TNFAIP8L3: variants seen among roughly 807,000 people sequenced by gnomAD.
The protein encoded by TNFAIP8L3 is tumor necrosis factor alpha-induced protein 8-like protein 3.
Under a neutral mutation model 11.8 loss-of-function variants are expected in TNFAIP8L3, and 7 were observed. That is an observed-to-expected ratio of 0.59 (90% confidence interval 0.34 to 1.11). The LOEUF is 1.11. Ranked by LOEUF, TNFAIP8L3 falls within the 50% of genes most tolerant of loss-of-function variation. TNFAIP8L3 has a pLI of 0.03. For missense variants in TNFAIP8L3, 219 were observed against 258.6 expected, an observed-to-expected ratio of 0.85 and a Z score of 1.05; for synonymous variants, 98 against 103.8, an observed-to-expected ratio of 0.94 and a Z score of 0.34.
chr15:51,067,653 T>G (rs377073229), intron 1 of TNFAIP8L3, among the ~76,000 whole-genome samples: 4 of 152,260 alleles, frequency 2.6e-5, no homozygotes, highest in African/African-American at 9.6e-5. Flanking sequence ...CTCACTCGTT[T>G]GTTCTCTTTC....
chr15:51,077,964 T>C (rs1239011464), intron 1 of TNFAIP8L3, among the ~76,000 whole-genome samples: 2 of 152,226 alleles, frequency 1.3e-5, no homozygotes, highest in Admixed American at 6.5e-5. Context: ...TTCCTGGTCA[T>C]GTGACAAGAA....
At chr15:51,074,652 C>G (rs1595611124) in intron 1 of TNFAIP8L3, among the ~76,000 whole-genome samples, 1 of 152,336 alleles carries the variant, frequency 6.6e-6, no homozygotes, top group Non-Finnish European at 1.5e-5. Flanking sequence ...TGGTTTTGCC[C>G]TAACCCAACT....
At chr15:51,084,534 A>C (rs1001542771) in intron 1 of TNFAIP8L3, among the ~76,000 whole-genome samples, 4 of 152,210 alleles carry the variant, frequency 2.6e-5, no homozygotes, top group African/African-American at 9.6e-5. Flanking sequence ...TAAACTAGGA[A>C]TGATAATACC....
In TNFAIP8L3 at chr15:51,059,917, G is replaced by A. The variant is rs965481137; in HGVS notation, c.53-1474C>T. The stretch of plus-strand genomic sequence containing the variant: ...TCTGGGTCAGCAGAACTAAAGCAGC[G>A]AGCACCAGGGGCCTTCCACAGTCCC... On this transcript the variant is annotated intron_variant, in intron 1 of 1. Transcript: ENST00000637513. Among the ~76,000 whole-genome samples, 4 of 152,140 alleles carry A rather than the reference G, an allele frequency of 2.6e-5. 1 individual carries two copies. The highest frequency in any genetic ancestry group is 9.7e-5 in the African/African-American group (4 of 41,434).
intron 1 of TNFAIP8L3, among the ~76,000 whole-genome samples, chr15:51,079,354 C>T (rs183011172): frequency 1.7e-4 from 26 of 152,360 alleles, no homozygotes; most frequent in African/African-American, 5.8e-4. Context: ...AATCAGTCAT[C>T]CACTAGCTGG....
At chr15:51,093,481 C>A (rs1422076908) in intron 1 of TNFAIP8L3, among the ~76,000 whole-genome samples, 1 of 152,236 alleles carries the variant, frequency 6.6e-6, no homozygotes, top group Non-Finnish European at 1.5e-5. Flanking sequence ...GGTTCCCGAA[C>A]CTCTCTTTCC....
In TNFAIP8L3 at chr15:51,091,998, T is replaced by G. The variant is rs993374376; in HGVS notation, c.52+2546A>C. 4.6e-5 allele frequency among the ~76,000 whole-genome samples: 7 copies of G among 152,328 alleles called. No homozygotes were observed. The East Asian group carries it at 9.6e-4, about 21-fold the overall frequency. On this transcript the variant is annotated intron_variant, in intron 1 of 1. Transcript: ENST00000637513. ...TCTTCATAAACCCCTGTGGTACTAC[T>G]GTTATCCTCATTTTACAGAGTGGGA...
intron 1 of TNFAIP8L3, among the ~76,000 whole-genome samples, chr15:51,087,539 A>G (rs2065438365): frequency 1.3e-5 from 2 of 152,180 alleles, no homozygotes; most frequent in Admixed American, 6.5e-5. Flanking sequence ...TCATGGCCAG[A>G]ATATTTTCCC....
upstream of TNFAIP8L3, among the ~76,000 whole-genome samples, chr15:51,097,073 T>C (rs1351987090): frequency 1.3e-5 from 2 of 152,142 alleles, no homozygotes. Flanking sequence ...TCAAAAGGCA[T>C]TCAGCTTCCT....
chr15:51,090,315 G>A (rs2065458952), intron 1 of TNFAIP8L3, among the ~76,000 whole-genome samples: 1 of 151,968 alleles, frequency 6.6e-6, no homozygotes, highest in Non-Finnish European at 1.5e-5. Flanking sequence ...TCTTGCCTTA[G>A]TGCCACTACC....
chr15:51,071,530 T>C (rs2065309003), intron 1 of TNFAIP8L3, among the ~76,000 whole-genome samples: 1 of 152,270 alleles, frequency 6.6e-6, no homozygotes, highest in South Asian at 2.1e-4. Context: ...CAGATCCTTC[T>C]ACAACTCTTT....
upstream of TNFAIP8L3, among the ~76,000 whole-genome samples, chr15:51,099,831 C>T (rs776185846): frequency 3.9e-5 from 6 of 152,148 alleles, 1 homozygote; most frequent in South Asian, 4.1e-4. Context: ...GAGGTTTCAG[C>T]GGCAACTAGA....
intron 1 of TNFAIP8L3, among the ~76,000 whole-genome samples, chr15:51,092,462 T>C (rs911504705): frequency 6.6e-6 from 1 of 152,246 alleles, no homozygotes; most frequent in East Asian, 1.9e-4. Context: ...AGCACTGTCA[T>C]ACAGGAGAAT....
At chr15:51,067,489 A>G (rs2065279530) in intron 1 of TNFAIP8L3, among the ~76,000 whole-genome samples, 1 of 152,194 alleles carries the variant, frequency 6.6e-6, no homozygotes. Flanking sequence ...GAACTCTTAG[A>G]ACCTCTATTT....
intron 1 of TNFAIP8L3, among the ~76,000 whole-genome samples, chr15:51,067,255 T>G (rs12912106): frequency 0.2 from 30,969 of 152,124 alleles, 3,636 homozygotes; most frequent in East Asian, 0.44. Context: ...TTGCAGCATA[T>G]TCTTGAAGAC....
intron 1 of TNFAIP8L3, among the ~76,000 whole-genome samples, chr15:51,062,485 G>T (rs1378126666): frequency 6.6e-6 from 1 of 152,126 alleles, no homozygotes; most frequent in Non-Finnish European, 1.5e-5. Context: ...TATGTACAAA[G>T]AATACGTATT....
intron 1 of TNFAIP8L3, among the ~76,000 whole-genome samples, chr15:51,071,889 G>A (rs1270490129): frequency 6.6e-6 from 1 of 152,144 alleles, no homozygotes; most frequent in Non-Finnish European, 1.5e-5. Flanking sequence ...ATGGTACCTT[G>A]TTTTAATATG....
chr15:51,095,926 T>C (rs2140984185), upstream of TNFAIP8L3, among the ~76,000 whole-genome samples: 1 of 152,360 alleles, frequency 6.6e-6, no homozygotes, highest in Non-Finnish European at 1.5e-5. Flanking sequence ...ACATTTCCCT[T>C]TGTGTCCTCA....
chr15:51,068,042 G>A (rs750510090), intron 1 of TNFAIP8L3, among the ~76,000 whole-genome samples: 1 of 152,254 alleles, frequency 6.6e-6, no homozygotes, highest in Non-Finnish European at 1.5e-5. Context: ...CCCGAAGGCA[G>A]TAGGAAGCCA....
Sources: gnomAD v4.1 joint callset for allele counts (sites outside exome capture counted in the v4.1 genomes callset) on GRCh38, gnomAD v4.1.1 for gene constraint, MANE v1.5 for transcripts, NCBI Gene and HGNC (gene_info 2026-07-23, HGNC 2026-07-21) for gene names.